The following PBX3 variants were observed in gnomAD, a reference collection of about 807,000 sequenced individuals.
PBX3 encodes pre-B-cell leukemia transcription factor 3.
PBX3 carries 14 observed loss-of-function variants against 48.5 expected under a neutral mutation model. The ratio of observed to expected loss-of-function variants is 0.29; its 90% CI spans 0.19 to 0.45. The LOEUF is 0.45. Ranked by LOEUF, PBX3 falls within the 20% of genes least tolerant of loss-of-function variation. PBX3 has a pLI of 1.00. For synonymous variants in PBX3, 210 were observed against 200.3 expected, an observed-to-expected ratio of 1.05 and a Z score of -0.41; for missense variants, 386 against 546.7, an observed-to-expected ratio of 0.71 and a Z score of 2.93.
chr9:125,925,369 A>G (rs1254590782), intron 3 of PBX3, among the ~76,000 whole-genome samples: 2 of 152,158 alleles, frequency 1.3e-5, no homozygotes, highest in African/African-American at 2.4e-5. Context: ...TGTGCTGTCA[A>G]TGTAAAATAC....
chr9:125,886,876 G>A (rs1157692177), intron 2 of PBX3, among the ~76,000 whole-genome samples: 1 of 152,056 alleles, frequency 6.6e-6, no homozygotes, highest in Non-Finnish European at 1.5e-5. Context: ...AGATTTTAAA[G>A]AGACATTACT....
chr9:125,953,160 C>A (rs999731960), intron 5 of PBX3, among the ~76,000 whole-genome samples: 5 of 151,228 alleles, frequency 3.3e-5, no homozygotes, highest in African/African-American at 1.2e-4. Flanking sequence ...TAAATTTAAT[C>A]TCTCTCTCTC....
intron 8 of PBX3, among the ~76,000 whole-genome samples, chr9:125,963,691 G>T (rs546283863): frequency 2.6e-5 from 4 of 152,282 alleles, no homozygotes; most frequent in African/African-American, 2.4e-5. Flanking sequence ...GGGGAAGGGG[G>T]CAGGGGAGCA....
intron 2 of PBX3, among the ~76,000 whole-genome samples, chr9:125,883,600 CTT>C (rs57927097): frequency 1.4e-5 from 2 of 144,780 alleles, no homozygotes; most frequent in African/African-American, 2.5e-5. Context: ...AATCTCTTGA[CTT>C]TTTTTTTTTT....
chr9:125,812,687 C>T (rs1838327496), intron 2 of PBX3, among the ~76,000 whole-genome samples: 1 of 152,168 alleles, frequency 6.6e-6, no homozygotes, highest in South Asian at 2.1e-4. Context: ...GCAATTTTGT[C>T]ATTGTGAGAA....
At chr9:125,772,210 A>G (rs1399042253) in intron 2 of PBX3, among the ~76,000 whole-genome samples, 3 of 152,104 alleles carry the variant, frequency 2.0e-5, no homozygotes, top group African/African-American at 7.3e-5. Flanking sequence ...TTAAGGAATA[A>G]TAAGGTGATT....
At chr9:125,782,187 T>C (rs1378537805) in intron 2 of PBX3, among the ~76,000 whole-genome samples, 1 of 152,194 alleles carries the variant, frequency 6.6e-6, no homozygotes, top group Non-Finnish European at 1.5e-5. Context: ...CTCATAATCA[T>C]GGTGGAAGGT....
At chr9:125,856,664 G>T (rs887282367) in intron 2 of PBX3, among the ~76,000 whole-genome samples, 4 of 152,138 alleles carry the variant, frequency 2.6e-5, no homozygotes, top group Admixed American at 6.5e-5. Flanking sequence ...CTGTAACATT[G>T]TTTCTGTCAG....
Position 125,916,547 on chromosome 9 carries a change from A to C in PBX3, c.516+620A>C, listed in dbSNP as rs116387117. 7.0e-3 allele frequency among the ~76,000 whole-genome samples: 1,073 copies of C among 152,334 alleles called. 11 individuals are homozygous for C. Among genetic ancestry groups the C allele is most frequent in the African/African-American group, 0.025 (1,033 of 41,574 alleles). ...ATGGGTTAAAAATCTGGTTCTCAGC[A>C]ATTATATTAACCATACTGAATCTCA... is the stretch of plus-strand genomic sequence containing the variant. On this transcript the variant is annotated intron_variant, in intron 3 of 8. Transcript: ENST00000373489.
chr9:125,910,133 A>G (rs1052862934), intron 2 of PBX3, among the ~76,000 whole-genome samples: 2 of 152,212 alleles, frequency 1.3e-5, no homozygotes, highest in Non-Finnish European at 2.9e-5. Flanking sequence ...TCTTAGATTT[A>G]TGAATTTCTA....
intron 2 of PBX3, among the ~76,000 whole-genome samples, chr9:125,860,289 A>C (rs919430158): frequency 1.2e-4 from 19 of 152,182 alleles, no homozygotes; most frequent in Admixed American, 1.2e-3. Context: ...ATTCTTGCTC[A>C]CAAGTCTTTC....
At chr9:125,749,357 A>G (rs1464857603) in intron 2 of PBX3, 2 of 152,196 alleles carry the variant, frequency 1.3e-5, no homozygotes, top group South Asian at 2.1e-4. Flanking sequence ...CATATTTGGC[A>G]AATTTTTGGC....
chr9:125,900,904 C>T (rs1840930264), intron 2 of PBX3, among the ~76,000 whole-genome samples: 1 of 151,668 alleles, frequency 6.6e-6, no homozygotes, highest in South Asian at 2.1e-4. Flanking sequence ...TAGGGAGATA[C>T]TTTGTTGTTC....
chr9:125,842,659 G>T (rs1416782803), intron 2 of PBX3, among the ~76,000 whole-genome samples: 1 of 152,114 alleles, frequency 6.6e-6, no homozygotes, highest in African/African-American at 2.4e-5. Context: ...AGTCAGTATT[G>T]ACCCAAGATT....
At chr9:125,754,779 A>C (rs1836467003) in intron 2 of PBX3, among the ~76,000 whole-genome samples, 1 of 152,034 alleles carries the variant, frequency 6.6e-6, no homozygotes, top group Non-Finnish European at 1.5e-5. Context: ...TATATCTAGC[A>C]AAAAAATTGG....
In PBX3 at chr9:125,866,332, T is replaced by G. The variant is rs143324700; in HGVS notation, c.275-49354T>G. 3.1e-3 allele frequency among the ~76,000 whole-genome samples: 469 copies of G among 152,350 alleles called. 2 individuals are homozygous for G. Among genetic ancestry groups the G allele is most frequent in the African/African-American group, 9.8e-3 (406 of 41,578 alleles). Reference sequence around the variant, plus strand: ...TTTGCTTGAATCACAATTAAATATCTGTATAGTTATTTTATACTTTTATGG... The same window carrying G: ...TTTGCTTGAATCACAATTAAATATCGGTATAGTTATTTTATACTTTTATGG... On this transcript the variant is annotated intron_variant, in intron 2 of 8. Coordinates refer to ENST00000373489, the MANE Select transcript of PBX3 (RefSeq NM_006195.6).
intron 2 of PBX3, among the ~76,000 whole-genome samples, chr9:125,821,494 C>T (rs1838652418): frequency 6.6e-6 from 1 of 151,964 alleles, no homozygotes; most frequent in Non-Finnish European, 1.5e-5. Flanking sequence ...AAGACAAGAT[C>T]ATATTAATTG....
chr9:125,957,582 A>G (rs1005821078), intron 5 of PBX3, among the ~76,000 whole-genome samples: 1 of 152,238 alleles, frequency 6.6e-6, no homozygotes, highest in Admixed American at 6.5e-5. Context: ...TGGTACAGAG[A>G]TTCCTCAATT....
At chr9:125,761,355 G>C (rs1006673920) in intron 2 of PBX3, among the ~76,000 whole-genome samples, 17 of 151,868 alleles carry the variant, frequency 1.1e-4, no homozygotes, top group African/African-American at 4.1e-4. Context: ...GTAAAACATT[G>C]TTCCATATCA....
Sources: gnomAD v4.1 joint callset for allele counts (sites outside exome capture counted in the v4.1 genomes callset) on GRCh38, gnomAD v4.1.1 for gene constraint, MANE v1.5 for transcripts, NCBI Gene and HGNC (gene_info 2026-07-23, HGNC 2026-07-21) for gene names.